SLC46A1: variants seen among roughly 807,000 people sequenced by gnomAD.
SLC46A1 encodes the protein proton-coupled folate transporter.
Under a neutral mutation model 32.1 loss-of-function variants are expected in SLC46A1, and 17 were observed. The observed-to-expected ratio is 0.53, with a 90% confidence interval of 0.36 to 0.79. The LOEUF (loss-of-function observed/expected upper bound fraction) is 0.79, where lower values mean the gene tolerates loss of function less well. Among genes scored for constraint, SLC46A1 ranks in the 30% least tolerant of loss-of-function variants. The pLI is 0.00. For synonymous variants in SLC46A1, 240 were observed against 262.7 expected (o/e 0.91, Z 0.84); for missense variants, 517 against 588.2 (o/e 0.88, Z 1.25).
chr17:28,404,339 G>A (rs1414614156), intron 2 of SLC46A1: 5 of 492,062 alleles, frequency 1.0e-5, no homozygotes, highest in South Asian at 2.1e-5. Flanking sequence ...ATTAGTGTAT[G>A]AGCCACACTT....
At chr17:28,401,418 G>A (rs2068196328) in intron 3 of SLC46A1, 1 of 156,406 alleles carries the variant, frequency 6.4e-6, no homozygotes, top group Non-Finnish European at 1.4e-5. Flanking sequence ...CATGGATTCT[G>A]GGGACACCAG....
chr17:28,405,287 A>G lies in SLC46A1; in HGVS notation c.410T>C (p.Leu137Pro). ...QALVSVFVVQ[L>P]QLHVGYFVLG... ...CACGAAGTAGCCGACGTGGAGCTGC[A>G]GCTGCACCACAAAAACGGACACTAG... Residue 137 changes from leucine to proline, a missense_variant, in exon 2 of 5, where the codon CTG becomes CCG. Transcript: ENST00000612814. 6.3e-7 allele frequency: 1 copy of G among 1,588,926 alleles called. No individual in the cohort carries two copies. Among genetic ancestry groups the G allele is most frequent in the Non-Finnish European group, 8.6e-7 (1 of 1,168,320 alleles).
rs1597828405 is a variant in SLC46A1, at chr17:28,398,031, C to A, written c.*1625G>T. On this transcript the variant is annotated 3_prime_UTR_variant, in exon 5 of 5. Transcript: ENST00000612814. ...CTCGATGCTTTGGTTTTGACCCCAC[C>A]TGATCCTCCTTTCCTCATGCAGCAC... 1 of 152,626 alleles carries A rather than the reference C, an allele frequency of 6.6e-6. No individual in the cohort carries two copies. The allele number at this position is 152,626 out of a possible 1,614,324, so 9.5% of individuals were successfully genotyped here.
rs782253488 is a variant in SLC46A1 at position 28,404,813 on chromosome 17, G to T, written c.884C>A (p.Thr295Lys). ...TAGTTTGGAGTCCCAGCAGAGGGGT[G>T]TGCTTAGTTCATAAAGGGTTAAGAT... The part of the protein sequence containing the change: ...QDILTLYELS[T>K]PLCWDSKLIG... The change falls in exon 2 of 5, where the codon ACA becomes AAA. Residue 295 changes from threonine (T) to lysine (K), a missense_variant. Physicochemically the swap from Thr to Lys is moderately conservative, Grantham distance 78. Transcript: ENST00000612814. 2 of 1,614,014 alleles carry T rather than the reference G, an allele frequency of 1.2e-6. No homozygotes were observed. The highest frequency in any genetic ancestry group is 1.7e-6 in the Non-Finnish European group (2 of 1,179,898).
At position 28,395,982 on chromosome 17, in the gene SLC46A1, C is replaced by T. The variant is rs143705142; in HGVS notation, c.*3674G>A. The T allele has an allele frequency of 3.7e-6, 6 of 1,614,010 alleles. No homozygotes were observed. Among genetic ancestry groups the T allele is most frequent in the African/African-American group, 2.7e-5 (2 of 75,042 alleles). Reference sequence around the variant, plus strand: ...GCTTCGAGTGGCCTGAGCCCCAGGTCCTGCCTGAGGACATGCAGGCTGTGC... The same window carrying T: ...GCTTCGAGTGGCCTGAGCCCCAGGTTCTGCCTGAGGACATGCAGGCTGTGC... On this transcript the variant is annotated 3_prime_UTR_variant, in exon 5 of 5. Transcript: ENST00000612814.
chr17:28,402,139 G>A, intron 3 of SLC46A1, 99 bp downstream of exon 3: 1 of 1,029,980 alleles, frequency 9.7e-7, no homozygotes, highest in Non-Finnish European at 1.4e-6. Flanking sequence ...GGGTGAGAGG[G>A]GGGAAGGCAA....
In SLC46A1 at chr17:28,399,594, G is replaced by A. The variant is rs782118481; in HGVS notation, c.*62C>T. On this transcript the variant is annotated 3_prime_UTR_variant, in exon 5 of 5. Coordinates refer to ENST00000612814, the MANE Select transcript of SLC46A1 (RefSeq NM_080669.6). Reference sequence around the variant, plus strand: ...GCTGTGGGCTGGGCTTCCAGCTGCAGACCTCCAGTTGCTTGGTGTTCACTT... The same window carrying A: ...GCTGTGGGCTGGGCTTCCAGCTGCAAACCTCCAGTTGCTTGGTGTTCACTT... The A allele has an allele frequency of 3.5e-5, 54 of 1,563,880 alleles. No individual in the cohort carries two copies. The highest frequency in any genetic ancestry group is 5.4e-5 in the African/African-American group (4 of 73,944).
In SLC46A1 at chr17:28,395,830, TC is replaced by T. The variant is rs1321958733; in HGVS notation, c.*3825del. Reference sequence around the variant, plus strand: ...GGGCCCAGCCTCGGGCCAGTGGGCCTCCCAGCACCTGCCTGGCTACAAGGGT... The same window carrying T: ...GGGCCCAGCCTCGGGCCAGTGGGCCTCCAGCACCTGCCTGGCTACAAGGGT... On this transcript the variant is annotated 3_prime_UTR_variant, in exon 5 of 5. Coordinates refer to ENST00000612814, the MANE Select transcript of SLC46A1 (RefSeq NM_080669.6). 2 of 1,585,740 alleles carry T rather than the reference TC, an allele frequency of 1.3e-6. No homozygotes were observed. Among genetic ancestry groups the T allele is most frequent in the African/African-American group, 2.7e-5 (2 of 74,556 alleles).
At position 28,399,669 on chromosome 17, in the gene SLC46A1, G is replaced by A. The variant is rs886052754; in HGVS notation, c.1367C>T (p.Pro456Leu). The change falls in exon 5 of 5, where the codon CCC (proline) becomes CTC (leucine). Residue 456 changes from proline (P) to leucine (L), a missense_variant. Coordinates refer to ENST00000612814, the MANE Select transcript of SLC46A1 (RefSeq NM_080669.6). ...ADPHLEFQQF[P>L]QSP ...GGTCCAGGCAGATCAGGGGCTCTGG[G>A]GAAACTGCTGGAACTCGAGGTGAGG... The A allele has an allele frequency of 1.2e-6, 2 of 1,613,870 alleles. No individual in the cohort carries two copies. The highest frequency in any genetic ancestry group is 2.2e-5 in the East Asian group (1 of 44,904).
intron 1 of SLC46A1, 156 bp from the exon 2 acceptor site, chr17:28,405,624 G>A: frequency 8.3e-7 from 1 of 1,201,508 alleles, no homozygotes; most frequent in East Asian, 2.6e-5. Flanking sequence ...CAGTGGAGAG[G>A]GGGAAGGACA....
At chr17:28,401,069 A>C in intron 3 of SLC46A1, 1 of 391,030 alleles carries the variant, frequency 2.6e-6, no homozygotes, top group Non-Finnish European at 4.8e-6. Context: ...TGTCTGATGA[A>C]AGCTTGATGG....
At position 28,405,358 on chromosome 17, in the gene SLC46A1, G is replaced by A. The variant is rs782563725; in HGVS notation, c.339C>T (p.Arg113=). ...GCGAGGCCAGCACTAGCAGCGGGCG[G>A]CGGCCCACACTGTCGCTCCAAGCTC... The part of the protein sequence containing the change: ...LLGAWSDSVG[R]RPLLVLASLG... Residue 113 remains arginine (R), a synonymous_variant, in exon 2 of 5, where the codon CGC becomes CGT. Transcript: ENST00000612814. The A allele has an allele frequency of 4.4e-6, 7 of 1,585,878 alleles. No individual in the cohort carries two copies. In the Admixed American group the frequency reaches 9.0e-5, roughly 20 times the overall value.
At chr17:28,405,733 C>G (rs1195497620) in intron 1 of SLC46A1, 154 bp downstream of exon 1, 2 of 1,009,740 alleles carry the variant, frequency 2.0e-6, no homozygotes, top group Non-Finnish European at 2.8e-6. Flanking sequence ...CTGAGGTTCT[C>G]GGTCAGGCCC....
chr17:28,404,450 C>A, intron 2 of SLC46A1, 166 bp downstream of exon 2: 1 of 850,180 alleles, frequency 1.2e-6, no homozygotes, highest in African/African-American at 1.7e-5. Context: ...TCAAAGATGG[C>A]ATTTTTGAGG....
rs781985314 is a variant in SLC46A1 at position 28,405,304 on chromosome 17, G to A, written c.393C>T (p.Ser131=). The change falls in exon 2 of 5, where the codon TCC becomes TCT. Residue 131 remains serine, a synonymous_variant. Coordinates refer to ENST00000612814, the MANE Select transcript of SLC46A1 (RefSeq NM_080669.6). The part of the protein sequence containing the change: ...SLGLLLQALV[S]VFVVQLQLHV... ...GGAGCTGCAGCTGCACCACAAAAAC[G>A]GACACTAGGGCCTGGAGCAGCAGGC... 9 of 1,589,226 alleles carry A rather than the reference G, an allele frequency of 5.7e-6. No individual in the cohort carries two copies. Among genetic ancestry groups the A allele is most frequent in the Non-Finnish European group, 6.8e-6 (8 of 1,168,636 alleles).
Position 28,399,319 on chromosome 17 carries a change from C to T in SLC46A1, c.*337G>A. On this transcript the variant is annotated 3_prime_UTR_variant, in exon 5 of 5. Coordinates refer to ENST00000612814, the MANE Select transcript of SLC46A1 (RefSeq NM_080669.6). ...TGCCAGCCCTCGTGCTGCCTCTGGT[C>T]CCTGAAGTGTCACCTCTCTCAGGAC... 1 of 285,240 alleles carries T rather than the reference C, an allele frequency of 3.5e-6. No homozygotes were observed. The highest frequency in any genetic ancestry group is 6.8e-6 in the Non-Finnish European group (1 of 147,532). 17.7% of individuals were successfully genotyped at this position (285,240 alleles called of 1,614,324 possible). A position where few individuals can be genotyped will look rare whatever the true frequency, so the allele number is the denominator to read the frequency against.
chr17:28,405,158 C>T lies in SLC46A1; in HGVS notation c.539G>A (p.Arg180Gln). 2 of 1,610,852 alleles carry T rather than the reference C, an allele frequency of 1.2e-6. No homozygotes were observed. The highest frequency in any genetic ancestry group is 1.7e-6 in the Non-Finnish European group (2 of 1,178,274). ...GATGCTGGCTTCCAGCAGGGCCATC[C>T]GGAAGGTGCGGCTGCGACTGGAGCT... ...DVSSSRSRTF[R>Q]MALLEASIGV... Residue 180 changes from arginine to glutamine, a missense_variant, in exon 2 of 5, where the codon CGG (arginine) becomes CAG (glutamine). By Grantham distance (43) the Arg-to-Gln change is conservative. Transcript: ENST00000612814.
chr17:28,400,475 A>T, intron 4 of SLC46A1, 135 bp downstream of exon 4: 1 of 1,214,806 alleles, frequency 8.2e-7, no homozygotes, highest in Non-Finnish European at 1.1e-6. Context: ...CTGCAAGGAG[A>T]GGGGCAACCT....
intron 4 of SLC46A1, chr17:28,399,933 G>A (rs2068176042): frequency 5.6e-6 from 3 of 538,704 alleles, no homozygotes; most frequent in East Asian, 3.3e-5. Context: ...TTGCTCTGTT[G>A]TCCAGGCTGG....
Sources: allele counts gnomAD v4.1 joint callset, GRCh38; gene constraint gnomAD v4.1.1; transcripts MANE v1.5; gene names NCBI Gene and HGNC (gene_info 2026-07-23, HGNC 2026-07-21).